YIPF7: variants seen among roughly 807,000 people sequenced by gnomAD.
YIPF7 encodes the protein Yip1 domain family member 7, also known as protein YIPF7.
Under a neutral mutation model 27.2 loss-of-function variants are expected in YIPF7, and 35 were observed. That is an observed-to-expected ratio of 1.29 (90% CI 0.98 to 1.70). The LOEUF (loss-of-function observed/expected upper bound fraction) is 1.70. YIPF7 is among the 40% of genes most tolerant of loss of function. The pLI, the probability that YIPF7 is intolerant of heterozygous loss-of-function variation, is 0.00. For missense variants in YIPF7, 358 were observed against 303.7 expected, an observed-to-expected ratio of 1.18 and a Z score of -1.33; for synonymous variants, 137 against 110.4, an observed-to-expected ratio of 1.24 and a Z score of -1.51.
intron 2 of YIPF7, among the ~76,000 whole-genome samples, chr4:44,641,757 T>C (rs1184782485): frequency 6.6e-6 from 1 of 152,182 alleles, no homozygotes; most frequent in African/African-American, 2.4e-5. Flanking sequence ...ATACACTTAA[T>C]CATTTACTAA....
rs962538690 is a variant in YIPF7 at position 44,622,130 on chromosome 4, C to T, written c.*284G>A. 3.3e-6 allele frequency: 1 copy of T among 305,962 alleles called. No individual in the cohort carries two copies. The highest frequency in any genetic ancestry group is 6.0e-6 in the Non-Finnish European group (1 of 165,670). The allele number at this position is 305,962 out of a possible 1,614,324, so 19.0% of individuals were successfully genotyped here. A position where few individuals can be genotyped will look rare whatever the true frequency, so the allele number is the denominator to read the frequency against. ...TATGAGTTTATTTACTTACTTTTCT[C>T]AGAAATACCTCTATTGAGAAAAGCA... On this transcript the variant is annotated 3_prime_UTR_variant, in exon 6 of 6. Coordinates refer to ENST00000415895, the MANE Select transcript of YIPF7 (RefSeq NM_182592.3).
At chr4:44,645,630 G>A (rs1713501597) in intron 2 of YIPF7, among the ~76,000 whole-genome samples, 1 of 152,080 alleles carries the variant, frequency 6.6e-6, no homozygotes, top group African/African-American at 2.4e-5. Flanking sequence ...CTGAAATTGT[G>A]ATAATTTCAA....
chr4:44,656,829 T>TAC (rs1560331974), intron 2 of YIPF7, among the ~76,000 whole-genome samples: 2 of 152,138 alleles, frequency 1.3e-5, no homozygotes, highest in Non-Finnish European at 2.9e-5. Context: ...ATTCATGTCT[T>TAC]ATTTTACAAT....
At position 44,646,316 on chromosome 4, in the gene YIPF7, T is replaced by C. The variant is rs192078594; in HGVS notation, c.116+3669A>G. ...AGTCAGGGAGTGGTAGCTGGGATAG[T>C]TGGCTTCTGCAACATTCCTATACTC... On this transcript the variant is annotated intron_variant, in intron 2 of 5. Transcript: ENST00000415895. Among the ~76,000 whole-genome samples, 22 of 152,300 alleles carry C rather than the reference T, an allele frequency of 1.4e-4. No homozygotes were observed. The East Asian group carries it at 4.2e-3, about 29-fold the overall frequency.
At position 44,633,697 on chromosome 4, in the gene YIPF7, A is replaced by G. The variant is rs1313576998; in HGVS notation, c.280+2225T>C. Among the ~76,000 whole-genome samples the G allele has an allele frequency of 2.0e-5, 3 of 146,410 alleles. No homozygotes were observed. The Admixed American group carries it at 2.1e-4, about 10-fold the overall frequency. ...ATATGTCCCAAAGACCCATAAACAA[A>G]TTAGGTGGCAAACACAAGCTAGGAA... On this transcript the variant is annotated intron_variant, in intron 3 of 5. Transcript: ENST00000415895.
chr4:44,642,844 G>A (rs531991786), intron 2 of YIPF7, among the ~76,000 whole-genome samples: 15 of 152,232 alleles, frequency 9.9e-5, no homozygotes, highest in South Asian at 4.1e-4. Flanking sequence ...AGCAGCTGTC[G>A]CCATGCTTCC....
rs373578037 is a variant in YIPF7, at chr4:44,622,637, G to A, written c.609-61C>T. 1.7e-5 allele frequency: 27 copies of A among 1,575,388 alleles called. No homozygotes were observed. The African/African-American group carries it at 3.4e-4, about 20-fold the overall frequency. ...GTAGAAAAGAGATTATTGAGTTAAAGTTGCCTCTGAAATATCCTTGGCACA... is the reference window on the plus strand; with the variant it reads ...GTAGAAAAGAGATTATTGAGTTAAAATTGCCTCTGAAATATCCTTGGCACA... On this transcript the variant is annotated intron_variant, in intron 5 of 5. Coordinates refer to ENST00000415895, the MANE Select transcript of YIPF7 (RefSeq NM_182592.3).
At chr4:44,652,153 T>C (rs1190303828), upstream of YIPF7, among the ~76,000 whole-genome samples, 1 of 152,166 alleles carries the variant, frequency 6.6e-6, no homozygotes, top group Non-Finnish European at 1.5e-5. Flanking sequence ...TGGGATCTAG[T>C]GCTTCTTACC....
At chr4:44,624,428 G>T (rs1712550494) in intron 5 of YIPF7, among the ~76,000 whole-genome samples, 173 bp downstream of exon 5, 1 of 152,130 alleles carries the variant, frequency 6.6e-6, no homozygotes, top group Admixed American at 6.5e-5. Context: ...AGTAAGAACA[G>T]CACCTGGGCC....
intron 4 of YIPF7, among the ~76,000 whole-genome samples, chr4:44,627,430 T>G (rs1160633465): frequency 6.6e-6 from 1 of 152,170 alleles, no homozygotes; most frequent in Non-Finnish European, 1.5e-5. Context: ...ATTTGGATAT[T>G]GATTCTGGAT....
At chr4:44,639,879 T>A (rs1259522667) in intron 2 of YIPF7, among the ~76,000 whole-genome samples, 1 of 152,198 alleles carries the variant, frequency 6.6e-6, no homozygotes, top group Non-Finnish European at 1.5e-5. Context: ...TATTCCTAGT[T>A]TGTTGAGGGT....
intron 1 of YIPF7, 114 bp from the exon 2 acceptor site, chr4:44,650,215 A>G: frequency 1.4e-6 from 1 of 717,666 alleles, no homozygotes; most frequent in Non-Finnish European, 2.5e-6. Flanking sequence ...TCAGAAAAAA[A>G]GATGTCCTTT....
chr4:44,634,560 AG>A (rs1407605349), intron 3 of YIPF7, among the ~76,000 whole-genome samples: 2 of 152,154 alleles, frequency 1.3e-5, no homozygotes. Context: ...CGTGACATAA[AG>A]TAAATAAAAA....
At chr4:44,626,425 A>G (rs1712638216) in intron 4 of YIPF7, among the ~76,000 whole-genome samples, 1 of 152,186 alleles carries the variant, frequency 6.6e-6, no homozygotes, top group Non-Finnish European at 1.5e-5. Context: ...TCCTAATGGT[A>G]TAGGACAACT....
chr4:44,642,094 C>T (rs1713345734), intron 2 of YIPF7, among the ~76,000 whole-genome samples: 1 of 152,130 alleles, frequency 6.6e-6, no homozygotes, highest in Non-Finnish European at 1.5e-5. Flanking sequence ...TCTGGCCTCA[C>T]CATAACTCAT....
chr4:44,650,509 A>G (rs7438786), intron 1 of YIPF7, among the ~76,000 whole-genome samples: 19 of 87,428 alleles, frequency 2.2e-4, no homozygotes, highest in Middle Eastern at 6.8e-3. Context: ...GCGCGCGCGC[A>G]CACACACACA....
intron 4 of YIPF7, among the ~76,000 whole-genome samples, chr4:44,626,763 C>CTTAT (rs1712658153): frequency 1.4e-5 from 1 of 69,768 alleles, no homozygotes; most frequent in African/African-American, 6.0e-5. Flanking sequence ...ATTAGCACAT[C>CTTAT]TTTTTTTTTT....
chr4:44,661,447 T>G (rs1391717417), intron 1 of YIPF7, among the ~76,000 whole-genome samples: 1 of 152,186 alleles, frequency 6.6e-6, no homozygotes, highest in African/African-American at 2.4e-5. Context: ...TATAAATTGA[T>G]CCATAAGAAA....
intron 3 of YIPF7, among the ~76,000 whole-genome samples, chr4:44,632,887 C>T (rs1712963889): frequency 1.3e-5 from 2 of 152,232 alleles, no homozygotes; most frequent in South Asian, 4.1e-4. Flanking sequence ...ACAGGTGTCC[C>T]CAATCCCCGG....
Sources: allele counts gnomAD v4.1 joint callset (sites outside exome capture counted in the v4.1 genomes callset), GRCh38; gene constraint gnomAD v4.1.1; transcripts MANE v1.5; gene names NCBI Gene and HGNC (gene_info 2026-07-23, HGNC 2026-07-21).